HCN1: variants seen among roughly 807,000 people sequenced by gnomAD.
The protein encoded by HCN1 is hyperpolarization activated cyclic nucleotide gated potassium channel 1.
In HCN1, 13 loss-of-function variants were observed where a neutral mutation model predicts 78.9. The observed-to-expected ratio is 0.16, with a 90% CI of 0.11 to 0.26. HCN1 has a LOEUF of 0.26. Ranked by LOEUF, HCN1 falls within the 10% of genes least tolerant of loss-of-function variation. The pLI is 1.00. For synonymous variants in HCN1, 552 were observed against 455.5 expected, an observed-to-expected ratio of 1.21 and a Z score of -2.70; for missense variants, 810 against 1,154.3, an observed-to-expected ratio of 0.70 and a Z score of 4.32.
intron 3 of HCN1, among the ~76,000 whole-genome samples, chr5:45,446,095 A>G (rs1740788180): frequency 6.6e-6 from 1 of 152,252 alleles, no homozygotes; most frequent in African/African-American, 2.4e-5. Context: ...ACTCTGAGCT[A>G]CAGGAGGAAA....
At chr5:45,490,819 T>C (rs1741866018) in intron 2 of HCN1, among the ~76,000 whole-genome samples, 1 of 152,084 alleles carries the variant, frequency 6.6e-6, no homozygotes, top group African/African-American at 2.4e-5. Flanking sequence ...AATTCCTCAA[T>C]TTTTGCTCCA....
intron 2 of HCN1, among the ~76,000 whole-genome samples, chr5:45,517,462 T>A (rs1220019796): frequency 6.8e-6 from 1 of 147,298 alleles, no homozygotes; most frequent in African/African-American, 2.5e-5. Context: ...ACGTATACAT[T>A]ATCACATAGC....
chr5:45,454,919 C>T (rs1740993321), intron 3 of HCN1, among the ~76,000 whole-genome samples: 2 of 152,042 alleles, frequency 1.3e-5, no homozygotes, highest in African/African-American at 4.8e-5. Flanking sequence ...TCTCTGCCCA[C>T]CCAGCACACA....
intron 3 of HCN1, among the ~76,000 whole-genome samples, chr5:45,427,131 C>T (rs1442536332): frequency 1.3e-5 from 2 of 151,984 alleles, no homozygotes; most frequent in African/African-American, 4.8e-5. Flanking sequence ...TATGAGTTGA[C>T]TCCTACACAG....
intron 6 of HCN1, among the ~76,000 whole-genome samples, chr5:45,302,923 C>T (rs1014177568): frequency 2.0e-5 from 3 of 151,958 alleles, no homozygotes; most frequent in African/African-American, 7.2e-5. Flanking sequence ...CTGAGGCCTC[C>T]CCAGCCATAT....
intron 5 of HCN1, among the ~76,000 whole-genome samples, chr5:45,349,892 A>G (rs1746849285): frequency 6.6e-6 from 1 of 152,190 alleles, no homozygotes. Context: ...ATAGCTTACC[A>G]ACCAAAAAGA....
chr5:45,656,688 T>A (rs1745769104), intron 1 of HCN1, among the ~76,000 whole-genome samples: 1 of 152,312 alleles, frequency 6.6e-6, no homozygotes, highest in Non-Finnish European at 1.5e-5. Flanking sequence ...GCTTTCCCAA[T>A]TAAAATGTAG....
chr5:45,584,576 T>A (rs909542241), intron 2 of HCN1, among the ~76,000 whole-genome samples: 1 of 152,196 alleles, frequency 6.6e-6, no homozygotes, highest in African/African-American at 2.4e-5. Flanking sequence ...GTCATTATAA[T>A]GTTAGCTGGT....
At chr5:45,656,928 T>C (rs923050336) in intron 1 of HCN1, among the ~76,000 whole-genome samples, 24 of 152,194 alleles carry the variant, frequency 1.6e-4, no homozygotes, top group African/African-American at 5.5e-4. Context: ...ATCTAGTATA[T>C]GTTCTTTTCC....
chr5:45,404,638 G>C (rs750842841), intron 3 of HCN1, among the ~76,000 whole-genome samples: 10 of 119,426 alleles, frequency 8.4e-5, no homozygotes, highest in Non-Finnish European at 1.6e-4. Context: ...ATACTTTCTA[G>C]TCATCCTGTC....
chr5:45,599,229 AT>A (rs1418925215), intron 2 of HCN1, among the ~76,000 whole-genome samples: 2 of 152,206 alleles, frequency 1.3e-5, no homozygotes, highest in Non-Finnish European at 2.9e-5. Flanking sequence ...CTATGCAGCC[AT>A]AAAAAAGGAT....
intron 1 of HCN1, among the ~76,000 whole-genome samples, chr5:45,649,921 T>C (rs1365441010): frequency 1.3e-5 from 2 of 152,082 alleles, no homozygotes; most frequent in African/African-American, 4.8e-5. Context: ...TTATTAAGGG[T>C]TTTCATTTTT....
At chr5:45,394,639 C>T (rs1292838607) in intron 4 of HCN1, among the ~76,000 whole-genome samples, 5 of 151,952 alleles carry the variant, frequency 3.3e-5, no homozygotes, top group African/African-American at 1.2e-4. Context: ...GGTTTGTAGA[C>T]CTAAAATTTA....
chr5:45,604,004 C>A (rs908277572), intron 2 of HCN1, among the ~76,000 whole-genome samples: 1 of 152,084 alleles, frequency 6.6e-6, no homozygotes, highest in Non-Finnish European at 1.5e-5. Flanking sequence ...GATAATATAA[C>A]ACAAAAACTT....
intron 1 of HCN1, among the ~76,000 whole-genome samples, chr5:45,663,344 C>A (rs1157139640): frequency 7.1e-6 from 1 of 141,148 alleles, no homozygotes; most frequent in Non-Finnish European, 1.5e-5. Flanking sequence ...GACCTAAAAC[C>A]ATAAAAACCC....
At chr5:45,355,560 T>A (rs1407047841) in intron 4 of HCN1, among the ~76,000 whole-genome samples, 1 of 151,914 alleles carries the variant, frequency 6.6e-6, no homozygotes, top group African/African-American at 2.4e-5. Context: ...ACAAAGTAAA[T>A]TTAGTTTTCA....
chr5:45,292,690 G>T (rs747422500), intron 6 of HCN1, among the ~76,000 whole-genome samples: 1 of 151,822 alleles, frequency 6.6e-6, no homozygotes, highest in Non-Finnish European at 1.5e-5. Context: ...CAAAGAATGA[G>T]AATAATATTA....
intron 2 of HCN1, among the ~76,000 whole-genome samples, chr5:45,547,191 C>A (rs1446962202): frequency 1.3e-5 from 2 of 151,768 alleles, no homozygotes; most frequent in East Asian, 1.9e-4. Context: ...ATGTCTCCAA[C>A]TATATTGACA....
chr5:45,270,241 T>G (rs1744934542), intron 6 of HCN1, among the ~76,000 whole-genome samples: 1 of 152,236 alleles, frequency 6.6e-6, no homozygotes, highest in African/African-American at 2.4e-5. Context: ...CTTTTTATTG[T>G]GAAGGCAAAA....
Sources: gnomAD v4.1 joint callset for allele counts (sites outside exome capture counted in the v4.1 genomes callset) on GRCh38, gnomAD v4.1.1 for gene constraint, MANE v1.5 for transcripts, NCBI Gene and HGNC (gene_info 2026-07-23, HGNC 2026-07-21) for gene names.